Variants in EHBP1 observed in about 807,000 individuals in gnomAD.
EHBP1 encodes the protein EH domain-binding protein 1.
A neutral mutation model predicts 144.0 loss-of-function variants in EHBP1; 55 were observed. The ratio of observed to expected loss-of-function variants is 0.38; its 90% CI spans 0.31 to 0.48. The LOEUF (loss-of-function observed/expected upper bound fraction) is 0.48. Among genes scored for constraint, EHBP1 ranks in the 20% least tolerant of loss-of-function variants. EHBP1 has a pLI of 0.98. For missense variants in EHBP1, 1,200 were observed against 1,364.2 expected, an observed-to-expected ratio of 0.88 and a Z score of 1.90; for synonymous variants, 469 against 472.7, an observed-to-expected ratio of 0.99 and a Z score of 0.10.
chr2:62,891,951 G>C (rs2052493607), intron 10 of EHBP1, among the ~76,000 whole-genome samples: 1 of 151,964 alleles, frequency 6.6e-6, no homozygotes, highest in African/African-American at 2.4e-5. Flanking sequence ...TAATTCTTTG[G>C]GAATGTAAAC....
At chr2:62,980,231 C>T (rs2058903769) in intron 15 of EHBP1, among the ~76,000 whole-genome samples, 1 of 152,170 alleles carries the variant, frequency 6.6e-6, no homozygotes, top group Admixed American at 6.6e-5. Flanking sequence ...ACTGTTTCAC[C>T]TCAGATCATC....
intron 2 of EHBP1, among the ~76,000 whole-genome samples, chr2:62,730,752 A>G (rs2037451155): frequency 8.8e-6 from 1 of 114,190 alleles, no homozygotes; most frequent in Non-Finnish European, 1.9e-5. Context: ...ACAAAGAGAG[A>G]AAGAAAGAGA....
chr2:62,999,406 A>G (rs1399592734), intron 19 of EHBP1, among the ~76,000 whole-genome samples: 2 of 152,202 alleles, frequency 1.3e-5, no homozygotes, highest in Admixed American at 1.3e-4. Flanking sequence ...ACAGTGTTGT[A>G]TAGTCATCAC....
chr2:62,803,093 C>T (rs1334753572), intron 5 of EHBP1, among the ~76,000 whole-genome samples: 1 of 152,164 alleles, frequency 6.6e-6, no homozygotes, highest in Non-Finnish European at 1.5e-5. Context: ...AATTGCTGTA[C>T]AGTGAGTGCC....
chr2:62,729,749 T>C (rs1056625153), intron 2 of EHBP1, among the ~76,000 whole-genome samples: 4 of 151,246 alleles, frequency 2.6e-5, no homozygotes, highest in African/African-American at 7.3e-5. Context: ...TAAACACATA[T>C]GTGGTCTTGT....
upstream of EHBP1, among the ~76,000 whole-genome samples, chr2:62,700,835 A>C (rs559336689): frequency 6.6e-6 from 1 of 152,354 alleles, no homozygotes; most frequent in African/African-American, 2.4e-5. Flanking sequence ...CATCATAGAA[A>C]GTTCTACTGG....
chr2:62,964,481 A>G (rs1468520502), intron 14 of EHBP1, among the ~76,000 whole-genome samples: 1 of 152,130 alleles, frequency 6.6e-6, no homozygotes, highest in African/African-American at 2.4e-5. Flanking sequence ...TTCATTTTTT[A>G]ATGTTTCTTT....
In EHBP1 at chr2:62,877,559, A is replaced by T. The variant is rs546598291; in HGVS notation, c.1185+3027A>T. ...CAGAATGTACATTATTTTCATCTGCACATGGTACATACTCCAAAATCAACC... is the reference window on the plus strand; with the variant it reads ...CAGAATGTACATTATTTTCATCTGCTCATGGTACATACTCCAAAATCAACC... On this transcript the variant is annotated intron_variant, in intron 10 of 22. Coordinates refer to ENST00000431489, the MANE Select transcript of EHBP1 (RefSeq NM_001142616.3). Among the ~76,000 whole-genome samples the T allele has an allele frequency of 1.4e-4, 21 of 152,360 alleles. No homozygotes were observed. The East Asian group carries it at 3.9e-3, about 28-fold the overall frequency.
At chr2:63,010,434 TA>T (rs1262570820) in intron 19 of EHBP1, among the ~76,000 whole-genome samples, 1 of 151,484 alleles carries the variant, frequency 6.6e-6, no homozygotes, top group African/African-American at 2.4e-5. Context: ...TAAAACCTAT[TA>T]AAAAAATTAT....
chr2:62,929,902 A>G (rs372444853), intron 10 of EHBP1, among the ~76,000 whole-genome samples: 15 of 152,192 alleles, frequency 9.9e-5, no homozygotes, highest in East Asian at 5.8e-4. Flanking sequence ...TTGTATTTCT[A>G]TATACCAACA....
intron 5 of EHBP1, among the ~76,000 whole-genome samples, chr2:62,788,478 CA>C (rs1164965503): frequency 1.9e-4 from 27 of 144,130 alleles, no homozygotes; most frequent in African/African-American, 3.8e-4. Flanking sequence ...TCCTGTGTAC[CA>C]AAAAAAAAAC....
intron 17 of EHBP1, 55 bp from the exon 18 acceptor site, chr2:62,993,816 C>A (rs889872956): frequency 8.1e-5 from 110 of 1,365,326 alleles, no homozygotes; most frequent in Non-Finnish European, 1.1e-4. Context: ...CATTTCAATA[C>A]ACAAATATCA....
At chr2:63,023,389 A>G (rs1042640127) in intron 19 of EHBP1, among the ~76,000 whole-genome samples, 8 of 152,198 alleles carry the variant, frequency 5.3e-5, no homozygotes, top group Admixed American at 2.0e-4. Flanking sequence ...ATACAAATAT[A>G]TATACATAAA....
intron 19 of EHBP1, among the ~76,000 whole-genome samples, chr2:63,023,308 T>C (rs1202955310): frequency 1.3e-5 from 2 of 152,222 alleles, no homozygotes; most frequent in South Asian, 2.1e-4. Context: ...AGGAATTTTT[T>C]AGAGAAACAA....
intron 19 of EHBP1, among the ~76,000 whole-genome samples, chr2:63,035,978 A>C (rs570545194): frequency 6.6e-6 from 1 of 152,022 alleles, no homozygotes; most frequent in Admixed American, 6.6e-5. Context: ...ACTCTAAAAG[A>C]ATCTGTCCTA....
intron 6 of EHBP1, among the ~76,000 whole-genome samples, chr2:62,830,792 G>A (rs113806211): frequency 1.2e-4 from 18 of 152,206 alleles, no homozygotes; most frequent in Admixed American, 3.3e-4. Context: ...TTAAGTCTTT[G>A]ATCTAACCAG....
intron 4 of EHBP1, 144 bp from the exon 5 acceptor site, chr2:62,771,194 CA>C (rs1397332382): frequency 2.1e-6 from 1 of 472,732 alleles, no homozygotes. Context: ...AAAAATAATG[CA>C]AAAGAAAAGA....
At chr2:62,828,946 C>G (rs1436877504) in intron 6 of EHBP1, among the ~76,000 whole-genome samples, 1 of 151,884 alleles carries the variant, frequency 6.6e-6, no homozygotes, top group African/African-American at 2.4e-5. Context: ...GCAAGACCCC[C>G]CTCTCTACAG....
intron 2 of EHBP1, among the ~76,000 whole-genome samples, chr2:62,709,992 T>C (rs2034987379): frequency 6.6e-6 from 1 of 152,170 alleles, no homozygotes; most frequent in African/African-American, 2.4e-5. Context: ...TAGGGGTTTA[T>C]ACCCCCTACT....
Sources: gnomAD v4.1 joint callset for allele counts (sites outside exome capture counted in the v4.1 genomes callset) on GRCh38, gnomAD v4.1.1 for gene constraint, MANE v1.5 for transcripts, NCBI Gene and HGNC (gene_info 2026-07-23, HGNC 2026-07-21) for gene names.